ROBO2: variants seen among roughly 807,000 people sequenced by gnomAD.
ROBO2 encodes roundabout guidance receptor 2, also known as roundabout homolog 2.
In ROBO2, 53 loss-of-function variants were observed where a neutral mutation model predicts 160.8. The observed-to-expected ratio is 0.33, with a 90% CI of 0.26 to 0.41. ROBO2 has a LOEUF of 0.41. Ranked by LOEUF, ROBO2 falls within the 10% of genes least tolerant of loss-of-function variation. ROBO2 has a pLI of 1.00. For missense variants in ROBO2, 1,577 were observed against 1,722.4 expected, an observed-to-expected ratio of 0.92 and a Z score of 1.49; for synonymous variants, 664 against 611.7, an observed-to-expected ratio of 1.09 and a Z score of -1.26.
At chr3:76,998,324 A>G (rs1290361983) in intron 2 of ROBO2, among the ~76,000 whole-genome samples, 2 of 152,148 alleles carry the variant, frequency 1.3e-5, no homozygotes, top group Non-Finnish European at 2.9e-5. Context: ...AATAAAAGCT[A>G]GATTGTGTAA....
At chr3:75,953,445 G>T (rs185094884) in intron 2 of ROBO2, among the ~76,000 whole-genome samples, 44 of 151,610 alleles carry the variant, frequency 2.9e-4, no homozygotes, top group African/African-American at 9.9e-4. Context: ...TCTTATTTTC[G>T]AGTTCTTTGT....
At chr3:76,934,616 C>T (rs1043688027) in intron 2 of ROBO2, among the ~76,000 whole-genome samples, 12 of 152,236 alleles carry the variant, frequency 7.9e-5, no homozygotes, top group African/African-American at 2.4e-4. Context: ...TGGTGCATGC[C>T]TGTAGTCCCA....
intron 2 of ROBO2, among the ~76,000 whole-genome samples, chr3:76,450,164 A>T (rs1306097351): frequency 2.0e-5 from 3 of 152,156 alleles, no homozygotes; most frequent in East Asian, 3.9e-4. Context: ...TTCAATGCTG[A>T]TAGAAGTAGA....
intron 2 of ROBO2, among the ~76,000 whole-genome samples, chr3:76,482,283 A>G (rs1577514486): frequency 1.3e-5 from 2 of 152,244 alleles, no homozygotes; most frequent in South Asian, 2.1e-4. Flanking sequence ...GATATCAACA[A>G]TTATTAGAAT....
At chr3:77,621,864 A>T (rs2094908192) in intron 22 of ROBO2, among the ~76,000 whole-genome samples, 1 of 152,190 alleles carries the variant, frequency 6.6e-6, no homozygotes, top group African/African-American at 2.4e-5. Context: ...TTTGACACTA[A>T]ACTGAGAACA....
chr3:77,453,060 C>T (rs1004171853), intron 2 of ROBO2, among the ~76,000 whole-genome samples: 2 of 152,210 alleles, frequency 1.3e-5, no homozygotes, highest in Admixed American at 1.3e-4. Flanking sequence ...ATCACACTTC[C>T]GTATAGCCAA....
intron 2 of ROBO2, among the ~76,000 whole-genome samples, chr3:77,132,056 A>C (rs1490929551): frequency 6.6e-6 from 1 of 152,098 alleles, no homozygotes; most frequent in Non-Finnish European, 1.5e-5. Flanking sequence ...ATTTGGGTGC[A>C]TGTTTTCCTT....
intron 2 of ROBO2, among the ~76,000 whole-genome samples, chr3:76,427,307 T>C (rs1045477868): frequency 4.6e-5 from 7 of 150,818 alleles, no homozygotes; most frequent in East Asian, 3.9e-4. Context: ...CTGGAGACCA[T>C]AGGAAGTGGG....
At chr3:76,257,650 CATATT>C (rs1405660031) in intron 2 of ROBO2, among the ~76,000 whole-genome samples, 1 of 150,716 alleles carries the variant, frequency 6.6e-6, no homozygotes, top group Admixed American at 6.6e-5. Flanking sequence ...CTGTACTCTC[CATATT>C]ATATGTGCTG....
chr3:76,408,684 A>G (rs1457856530), intron 2 of ROBO2, among the ~76,000 whole-genome samples: 1 of 152,102 alleles, frequency 6.6e-6, no homozygotes, highest in Non-Finnish European at 1.5e-5. Flanking sequence ...GGCTGTGATA[A>G]AACAGTATGG....
chr3:76,350,496 T>C (rs552736156), intron 2 of ROBO2, among the ~76,000 whole-genome samples: 5 of 152,192 alleles, frequency 3.3e-5, no homozygotes, highest in Admixed American at 6.6e-5. Context: ...ACAAGACTTA[T>C]ACCAAATGTG....
At chr3:77,250,553 G>A (rs1321626078) in intron 2 of ROBO2, among the ~76,000 whole-genome samples, 1 of 152,162 alleles carries the variant, frequency 6.6e-6, no homozygotes, top group Non-Finnish European at 1.5e-5. Context: ...AGGCAGACAC[G>A]GTCTTTTTTT....
At chr3:76,484,845 C>A (rs563701959) in intron 2 of ROBO2, among the ~76,000 whole-genome samples, 1 of 152,084 alleles carries the variant, frequency 6.6e-6, no homozygotes, top group South Asian at 2.1e-4. Context: ...GAATTTTCTA[C>A]ATAAAAAAGT....
intron 2 of ROBO2, among the ~76,000 whole-genome samples, chr3:76,194,884 C>T (rs1702189668): frequency 6.6e-6 from 1 of 152,170 alleles, no homozygotes; most frequent in Non-Finnish European, 1.5e-5. Context: ...TCTCAAAGTT[C>T]TGGGATTCCA....
chr3:75,978,765 G>A (rs558823617), intron 2 of ROBO2, among the ~76,000 whole-genome samples: 1 of 151,568 alleles, frequency 6.6e-6, no homozygotes, highest in African/African-American at 2.4e-5. Context: ...AACAGACACA[G>A]TTATTTATAC....
intron 2 of ROBO2, among the ~76,000 whole-genome samples, chr3:76,270,686 A>G (rs1218998760): frequency 1.3e-5 from 2 of 152,146 alleles, no homozygotes; most frequent in Non-Finnish European, 1.5e-5. Context: ...TGACAAACCA[A>G]TGATACTAAA....
intron 2 of ROBO2, among the ~76,000 whole-genome samples, chr3:76,321,010 C>A (rs554290905): frequency 6.6e-6 from 1 of 152,090 alleles, no homozygotes; most frequent in Non-Finnish European, 1.5e-5. Context: ...GATATACATG[C>A]ATTCATTCAA....
chr3:76,283,778 G>A (rs1051192611), intron 2 of ROBO2, among the ~76,000 whole-genome samples: 2 of 152,000 alleles, frequency 1.3e-5, no homozygotes, highest in Non-Finnish European at 2.9e-5. Context: ...TCGAGCCCGT[G>A]TTTGGGGTTA....
chr3:76,049,407 T>A (rs1415741331), intron 2 of ROBO2, among the ~76,000 whole-genome samples: 151 of 82,532 alleles, frequency 1.8e-3, no homozygotes, highest in African/African-American at 5.6e-3. Flanking sequence ...ATATATATTT[T>A]TTTTTTTTTT....
Sources: allele counts gnomAD v4.1 joint callset (sites outside exome capture counted in the v4.1 genomes callset), GRCh38; gene constraint gnomAD v4.1.1; transcripts MANE v1.5; gene names NCBI Gene and HGNC (gene_info 2026-07-23, HGNC 2026-07-21).